The following ANKRD30B variants were observed in gnomAD, a reference collection of about 807,000 sequenced individuals.
The protein encoded by ANKRD30B is ankyrin repeat domain-containing protein 30B.
A neutral mutation model predicts 202.2 loss-of-function variants in ANKRD30B; 144 were observed. The observed-to-expected ratio is 0.71, with a 90% CI of 0.62 to 0.82. The LOEUF is 0.82. Among genes scored for constraint, ANKRD30B ranks in the 40% least tolerant of loss-of-function variants. The probability of loss-of-function intolerance (pLI) is 0.00; values close to 1 mark genes in which losing one functional copy is unlikely to be tolerated. For missense variants in ANKRD30B, 1,487 were observed against 1,669.1 expected (o/e 0.89, Z 1.90); for synonymous variants, 508 against 561.3 (o/e 0.91, Z 1.34).
At chr18:14,753,484 C>A (rs1393388133) in intron 3 of ANKRD30B, among the ~76,000 whole-genome samples, 1 of 152,146 alleles carries the variant, frequency 6.6e-6, no homozygotes, top group Non-Finnish European at 1.5e-5. Context: ...CCACTGTGCC[C>A]ACCTAGTTAC....
intron 20 of ANKRD30B, among the ~76,000 whole-genome samples, 185 bp downstream of exon 20, chr18:14,798,039 A>G (rs1279992581): frequency 5.3e-5 from 8 of 151,942 alleles, no homozygotes; most frequent in African/African-American, 1.4e-4. Context: ...ATTTAGAGAT[A>G]AAAAAATTCA....
chr18:14,842,441 C>T (rs1396325150), intron 37 of ANKRD30B, among the ~76,000 whole-genome samples: 16 of 152,190 alleles, frequency 1.1e-4, no homozygotes, highest in African/African-American at 3.6e-4. Flanking sequence ...CTCATCATAA[C>T]GGTGTACCAT....
intron 40 of ANKRD30B, 144 bp downstream of exon 40, chr18:14,849,073 T>C (rs1378771415): frequency 1.1e-6 from 1 of 889,538 alleles, no homozygotes; most frequent in Non-Finnish European, 1.5e-6. Flanking sequence ...TTTTAAATAA[T>C]AAAAGTTCTT....
the ANKRD30B span, among the ~76,000 whole-genome samples, chr18:14,873,266 C>T: frequency 6.6e-6 from 1 of 152,060 alleles, no homozygotes; most frequent in African/African-American, 2.4e-5. Flanking sequence ...TGGCTCACAC[C>T]TGTAATCCCA....
Position 14,803,764 on chromosome 18 carries a change from G to T in ANKRD30B, c.2224G>T (p.Val742Leu). The change falls in exon 24 of 44, where the codon GTG becomes TTG. Residue 742 changes from valine (V) to leucine (L), a missense_variant. Val to Leu is a conservative substitution (Grantham distance 32). Transcript: ENST00000690538. ...SFLETLLQND[V>L]CLPKATHQKE... is the part of the protein sequence containing the mutation. ...CCTTGAGACTCTCTTACAGAATGAT[G>T]TGTGTTTACCCAAGGCTACACATCA... 1.2e-6 allele frequency: 2 copies of T among 1,607,536 alleles called. No homozygotes were observed.
At chr18:14,891,611 G>A in the ANKRD30B span, among the ~76,000 whole-genome samples, 3 of 150,224 alleles carry the variant, frequency 2.0e-5, no homozygotes, top group Admixed American at 6.7e-5. Flanking sequence ...CAGCAAACAC[G>A]TCCATATATT....
chr18:14,751,398 A>G (rs1405150351), intron 1 of ANKRD30B, among the ~76,000 whole-genome samples: 1 of 152,064 alleles, frequency 6.6e-6, no homozygotes, highest in African/African-American at 2.4e-5. Flanking sequence ...TTCATCCTTA[A>G]AAATTTCATG....
At chr18:14,930,120 C>G in the ANKRD30B span, among the ~76,000 whole-genome samples, 7 of 152,100 alleles carry the variant, frequency 4.6e-5, no homozygotes, top group African/African-American at 7.2e-5. Context: ...AGGTGTGTGG[C>G]TCAGGTGAGT....
At chr18:14,851,393 C>G (rs1043563131) in intron 41 of ANKRD30B, 116 bp from the exon 42 acceptor site, 1 of 1,070,876 alleles carries the variant, frequency 9.3e-7, no homozygotes, top group African/African-American at 1.6e-5. Flanking sequence ...TCAACTGATA[C>G]CTACTTATAA....
chr18:14,817,329 T>C (rs369750207), intron 30 of ANKRD30B, among the ~76,000 whole-genome samples: 4 of 152,318 alleles, frequency 2.6e-5, no homozygotes, highest in South Asian at 4.1e-4. Flanking sequence ...CCATGTGACC[T>C]GTCCTGACTC....
intron 11 of ANKRD30B, among the ~76,000 whole-genome samples, chr18:14,780,747 G>C (rs1385960457): frequency 2.0e-5 from 3 of 152,244 alleles, no homozygotes; most frequent in Non-Finnish European, 4.4e-5. Flanking sequence ...AACATGAAAA[G>C]ATAATGCTTT....
the ANKRD30B span, among the ~76,000 whole-genome samples, chr18:14,874,305 A>G: frequency 6.6e-6 from 1 of 152,076 alleles, no homozygotes; most frequent in South Asian, 2.1e-4. Context: ...TTTCACGTTA[A>G]TTATTATTAT....
At chr18:14,823,493 T>C (rs950261159) in intron 32 of ANKRD30B, among the ~76,000 whole-genome samples, 3 of 151,880 alleles carry the variant, frequency 2.0e-5, no homozygotes, top group African/African-American at 7.3e-5. Flanking sequence ...TGATTGTGTG[T>C]GTGTGCGTGT....
chr18:14,809,104 A>C (rs1402446742), intron 26 of ANKRD30B, among the ~76,000 whole-genome samples: 2 of 142,902 alleles, frequency 1.4e-5, no homozygotes, highest in African/African-American at 2.6e-5. Context: ...CCAACAATTC[A>C]CTAGATATAC....
At chr18:14,880,698 TG>T in the ANKRD30B span, among the ~76,000 whole-genome samples, 1 of 151,974 alleles carries the variant, frequency 6.6e-6, no homozygotes, top group Non-Finnish European at 1.5e-5. Context: ...CCCGAGTAGC[TG>T]GGATTATAGG....
chr18:14,810,105 T>C lies in ANKRD30B; in HGVS notation c.2416-3T>C, dbSNP rs1305946524. 2.0e-6 allele frequency: 3 copies of C among 1,498,254 alleles called. No individual in the cohort carries two copies. The East Asian group carries it at 7.5e-5, about 37-fold the overall frequency. The allele number at this position is 1,498,254 out of a possible 1,614,324, so 92.8% of individuals were successfully genotyped here. A position where few individuals can be genotyped will look rare whatever the true frequency, so the allele number is the denominator to read the frequency against. Reference sequence around the variant, plus strand: ...TAATTTTTGTGTTTCCAAACCCATTTAGCCTACCTGTGTAAGGAAAGTTTC... The same window carrying C: ...TAATTTTTGTGTTTCCAAACCCATTCAGCCTACCTGTGTAAGGAAAGTTTC... On this transcript the variant is annotated splice_region_variant and splice_polypyrimidine_tract_variant and intron_variant, in intron 27 of 43. Transcript: ENST00000690538.
chr18:14,929,461 T>C, the ANKRD30B span, among the ~76,000 whole-genome samples: 1 of 152,110 alleles, frequency 6.6e-6, no homozygotes, highest in Non-Finnish European at 1.5e-5. Flanking sequence ...GGCGCTTGTG[T>C]CCCTGGCCTA....
At chr18:14,837,731 A>T in intron 36 of ANKRD30B, 55 bp downstream of exon 36, 1 of 1,423,658 alleles carries the variant, frequency 7.0e-7, no homozygotes, top group Non-Finnish European at 9.4e-7. Flanking sequence ...AGTAATCTTA[A>T]AACATAAAAA....
chr18:14,880,174 G>A, the ANKRD30B span, among the ~76,000 whole-genome samples: 1,683 of 152,082 alleles, frequency 0.011, 18 homozygotes, highest in African/African-American at 0.038. Context: ...TTACTTTGTC[G>A]AAGATCAGTT....
Sources: gnomAD v4.1 joint callset for allele counts (sites outside exome capture counted in the v4.1 genomes callset) on GRCh38, gnomAD v4.1.1 for gene constraint, MANE v1.5 for transcripts, NCBI Gene and HGNC (gene_info 2026-07-23, HGNC 2026-07-21) for gene names.